EPS15L1: variants seen among roughly 807,000 people sequenced by gnomAD.
The protein encoded by EPS15L1 is epidermal growth factor receptor substrate 15-like 1.
Under a neutral mutation model 117.1 loss-of-function variants are expected in EPS15L1, and 43 were observed. The observed-to-expected ratio is 0.37, with a 90% CI of 0.29 to 0.47. The LOEUF (loss-of-function observed/expected upper bound fraction) is 0.47. Ranked by LOEUF, EPS15L1 falls within the 20% of genes least tolerant of loss-of-function variation. EPS15L1 has a pLI of 0.99. For synonymous variants in EPS15L1, 459 were observed against 470.5 expected (o/e 0.98, Z 0.32); for missense variants, 981 against 1,164.0 (o/e 0.84, Z 2.29).
chr19:16,377,361 A>G (rs2092309602), intron 21 of EPS15L1, 107 bp from the exon 22 acceptor site: 1 of 1,263,124 alleles, frequency 7.9e-7, no homozygotes, highest in Admixed American at 2.2e-5. Context: ...AAGGCCTCCT[A>G]CCCTCTGGAC....
Position 16,404,881 on chromosome 19 carries a change from G to A in EPS15L1, c.1267-132C>T. On this transcript the variant is annotated intron_variant, in intron 13 of 23. Transcript: ENST00000455140. The surrounding 1 kb of genome is among the most constrained non-coding windows in gnomAD (Gnocchi z 4.2). ...CCCACTGTGACCGTGCTCAGGGCCA[G>A]CATTCCGTGCACACCCACGGCCAAT... The A allele has an allele frequency of 4.2e-6, 4 of 945,210 alleles. No individual in the cohort carries two copies. The South Asian group carries it at 6.3e-5, about 15-fold the overall frequency. 58.6% of individuals were successfully genotyped at this position (945,210 alleles called of 1,614,324 possible). A position where few individuals can be genotyped will look rare whatever the true frequency, so the allele number is the denominator to read the frequency against.
At chr19:16,437,144 C>T in intron 5 of EPS15L1, 145 bp from the exon 6 acceptor site, 5 of 657,174 alleles carry the variant, frequency 7.6e-6, no homozygotes, top group Non-Finnish European at 1.4e-5. Flanking sequence ...CCACATGACC[C>T]AGCAATTCCA....
intron 16 of EPS15L1, chr19:16,401,124 C>T: frequency 1.0e-6 from 1 of 985,314 alleles, no homozygotes; most frequent in Non-Finnish European, 1.2e-6. Flanking sequence ...GATGACGGGC[C>T]CGGGGGCGGC....
At chr19:16,411,594 C>A (rs1192868013) in intron 13 of EPS15L1, among the ~76,000 whole-genome samples, 1 of 152,162 alleles carries the variant, frequency 6.6e-6, no homozygotes, top group Non-Finnish European at 1.5e-5. Context: ...ACATAGCCAT[C>A]CTTCAGATTG....
rs1214533126 is a variant in EPS15L1, at chr19:16,402,147, T to G, written c.1791+174A>C. The G allele has an allele frequency of 2.2e-6, 3 of 1,384,576 alleles. No individual in the cohort carries two copies. The Admixed American group carries it at 1.0e-4, about 47-fold the overall frequency. 85.8% of individuals were successfully genotyped at this position (1,384,576 alleles called of 1,614,324 possible). On this transcript the variant is annotated intron_variant, in intron 16 of 23. Transcript: ENST00000455140. ...AGCCAGGATTCAGCATGGCCACCTG[T>G]GCCAGGCTGCAAGGCCTGGTGTGAA...
chr19:16,432,412 T>C (rs926927848), intron 7 of EPS15L1, among the ~76,000 whole-genome samples: 4 of 151,742 alleles, frequency 2.6e-5, no homozygotes, highest in Non-Finnish European at 2.9e-5. Flanking sequence ...ACTAAAAATA[T>C]GAAAAATTAG....
chr19:16,366,587 A>G (rs907635016), intron 22 of EPS15L1, among the ~76,000 whole-genome samples: 6 of 152,226 alleles, frequency 3.9e-5, no homozygotes, highest in African/African-American at 1.4e-4. Context: ...TGACTATGGT[A>G]ATATGAAACC....
At chr19:16,407,670 TA>T (rs1197480301) in intron 13 of EPS15L1, among the ~76,000 whole-genome samples, 1 of 152,170 alleles carries the variant, frequency 6.6e-6, no homozygotes, top group East Asian at 1.9e-4. Context: ...TCTTGATATA[TA>T]AAATCAATAA....
chr19:16,432,664 C>G (rs867689505), intron 7 of EPS15L1, among the ~76,000 whole-genome samples: 1 of 149,958 alleles, frequency 6.7e-6, no homozygotes, highest in East Asian at 2.0e-4. Context: ...CCCAGCTACT[C>G]GGGAGGCTGA....
At position 16,413,787 on chromosome 19, in the gene EPS15L1, T is replaced by C. The variant is rs1210465311; in HGVS notation, c.1252A>G (p.Thr418Ala). 6.2e-7 allele frequency: 1 copy of C among 1,613,896 alleles called. No individual in the cohort carries two copies. Among genetic ancestry groups the C allele is most frequent in the African/African-American group, 1.3e-5 (1 of 75,004 alleles). ...GAGACCCTTACCTGCACCTCGCTGG[T>C]TTTCTGTCTGATTGCCTCTTCCTTT... ...REKEEAIRQK[T>A]SEVQELQNDL... The change falls in exon 13 of 24, where the codon ACC (threonine) becomes GCC (alanine). Residue 418 changes from threonine (T) to alanine (A), a missense_variant. Physicochemically the swap from Thr to Ala is moderately conservative, Grantham distance 58. Transcript: ENST00000455140.
chr19:16,369,923 A>C (rs1350342170), intron 22 of EPS15L1, among the ~76,000 whole-genome samples: 1 of 152,192 alleles, frequency 6.6e-6, no homozygotes, highest in Non-Finnish European at 1.5e-5. Flanking sequence ...TCTATGCATG[A>C]GCCAGGCACG....
chr19:16,377,642 T>G (rs1174433691), intron 21 of EPS15L1, among the ~76,000 whole-genome samples: 1 of 152,228 alleles, frequency 6.6e-6, no homozygotes, highest in Admixed American at 6.5e-5. Context: ...CTCACCTGTA[T>G]GCTGGCTGTG....
chr19:16,432,427 G>T (rs1462260321), intron 7 of EPS15L1, among the ~76,000 whole-genome samples: 2 of 152,192 alleles, frequency 1.3e-5, no homozygotes, highest in African/African-American at 4.8e-5. Context: ...AATTAGCCAG[G>T]CGTGGTGGCG....
intron 12 of EPS15L1, among the ~76,000 whole-genome samples, chr19:16,414,249 G>A (rs561164368): frequency 6.6e-6 from 1 of 152,158 alleles, no homozygotes; most frequent in Non-Finnish European, 1.5e-5. Flanking sequence ...AGAGACCTCG[G>A]ACCCCCAGCC....
chr19:16,461,830 C>A (rs537219852), intron 1 of EPS15L1, among the ~76,000 whole-genome samples: 5 of 152,320 alleles, frequency 3.3e-5, no homozygotes, highest in African/African-American at 1.2e-4. Context: ...GCTCTGGGCC[C>A]TGTGCCTGTT....
intron 1 of EPS15L1, among the ~76,000 whole-genome samples, chr19:16,445,921 C>T (rs1261964390): frequency 6.6e-6 from 1 of 152,210 alleles, no homozygotes; most frequent in East Asian, 1.9e-4. Flanking sequence ...TGAGAAGACG[C>T]CATCTTCGCC....
intron 16 of EPS15L1, chr19:16,400,709 C>G: frequency 1.0e-6 from 1 of 985,322 alleles, no homozygotes; most frequent in Non-Finnish European, 1.2e-6. Flanking sequence ...TTCCATGTAA[C>G]GTATCTTAAT....
At chr19:16,366,175 C>A (rs971484852) in intron 22 of EPS15L1, among the ~76,000 whole-genome samples, 1 of 152,106 alleles carries the variant, frequency 6.6e-6, no homozygotes, top group Non-Finnish European at 1.5e-5. Flanking sequence ...GGACGGGCAG[C>A]AAGTCCAGGG....
At chr19:16,466,217 ACCTCCAGTGATCTGCCCTTCCTGG>A (rs1359522760) in intron 1 of EPS15L1, among the ~76,000 whole-genome samples, 14 of 151,976 alleles carry the variant, frequency 9.2e-5, no homozygotes, top group Non-Finnish European at 1.9e-4. Flanking sequence ...TGAACTCTCG[ACCTCCAGTGATCTGCCCTTCCTGG>A]CCTCCAGTGA....
Sources: gnomAD v4.1 joint callset for allele counts (sites outside exome capture counted in the v4.1 genomes callset) on GRCh38, gnomAD v4.1.1 for gene constraint, Gnocchi (gnomAD v3.1) non-coding constraint, MANE v1.5 for transcripts, NCBI Gene and HGNC (gene_info 2026-07-23, HGNC 2026-07-21) for gene names.